The following LDAH variants were observed in gnomAD, a reference collection of about 807,000 sequenced individuals.
The protein encoded by LDAH is lipid droplet associated hydrolase.
LDAH carries 26 observed loss-of-function variants against 29.6 expected under a neutral mutation model. The ratio of observed to expected loss-of-function variants is 0.88; its 90% CI spans 0.64 to 1.22. The LOEUF (loss-of-function observed/expected upper bound fraction) is 1.22. LDAH is among the 50% of genes most tolerant of loss of function. The probability of loss-of-function intolerance (pLI) is 0.00; values close to 1 mark genes in which losing one functional copy is unlikely to be tolerated. For synonymous variants in LDAH, 117 were observed against 133.0 expected (o/e 0.88, Z 0.83); for missense variants, 344 against 387.3 (o/e 0.89, Z 0.94).
At chr2:20,744,574 T>C (rs1254998688) in intron 4 of LDAH, among the ~76,000 whole-genome samples, 1 of 152,190 alleles carries the variant, frequency 6.6e-6, no homozygotes, top group Non-Finnish European at 1.5e-5. Context: ...CAGGCTCTAA[T>C]AATACCCCAG....
chr2:20,691,073 G>C (rs560393850), intron 6 of LDAH, among the ~76,000 whole-genome samples: 1 of 152,208 alleles, frequency 6.6e-6, no homozygotes, highest in African/African-American at 2.4e-5. Flanking sequence ...AAATAGACCC[G>C]TTATAAAAAC....
chr2:20,783,036 C>A (rs1670309131), intron 3 of LDAH, among the ~76,000 whole-genome samples: 1 of 152,092 alleles, frequency 6.6e-6, no homozygotes, highest in African/African-American at 2.4e-5. Flanking sequence ...TTATTTTGCT[C>A]AAAGTATTTT....
At chr2:20,747,801 T>C (rs1475018626) in intron 4 of LDAH, among the ~76,000 whole-genome samples, 1 of 152,196 alleles carries the variant, frequency 6.6e-6, no homozygotes, top group Non-Finnish European at 1.5e-5. Context: ...ACTACACTTA[T>C]GCACTTTATA....
At chr2:20,761,597 T>C (rs1558452946) in intron 4 of LDAH, among the ~76,000 whole-genome samples, 3 of 152,174 alleles carry the variant, frequency 2.0e-5, no homozygotes, top group Admixed American at 1.3e-4. Flanking sequence ...TGGTATTTAA[T>C]ATGGGCCCTG....
intron 3 of LDAH, among the ~76,000 whole-genome samples, chr2:20,782,054 T>TAGAAACA (rs1318089098): frequency 6.6e-6 from 1 of 152,194 alleles, no homozygotes; most frequent in East Asian, 1.9e-4. Flanking sequence ...TTTCTACTGG[T>TAGAAACA]TTTCCGTATC....
rs902260305 is a variant in LDAH, at chr2:20,818,329, TATA to T, written c.-3+4705_-3+4707del. On this transcript the variant is annotated intron_variant, in intron 1 of 6. Transcript: ENST00000237822. The stretch of plus-strand genomic sequence containing the variant: ...TATATATGTATTTAATTGCAACTGG[TATA>T]ATAAGTGGTATGAAAGGGGAAAATT... 9.9e-5 allele frequency among the ~76,000 whole-genome samples: 15 copies of T among 152,224 alleles called. No individual in the cohort carries two copies. The Middle Eastern group carries it at 0.01, about 104-fold the overall frequency.
chr2:20,801,396 G>A lies in LDAH; in HGVS notation c.68C>T (p.Thr23Ile), dbSNP rs1168109083. 6.2e-6 allele frequency: 10 copies of A among 1,614,086 alleles called. No homozygotes were observed. Among genetic ancestry groups the A allele is most frequent in the Non-Finnish European group, 8.5e-6 (10 of 1,179,972 alleles). Residue 23 changes from threonine to isoleucine, a missense_variant, in exon 2 of 7, where the codon ACC (threonine) becomes ATC (isoleucine). Physicochemically the swap from Thr to Ile is moderately conservative, Grantham distance 89. Transcript: ENST00000237822. ...EEFILCGGAETQVLKCGPWTD... is the reference protein window; with the variant it reads ...EEFILCGGAEIQVLKCGPWTD... ...CCAGGGCCCACATTTTAGAACCTGG[G>A]TTTCGGCTCCACCACACAAAATGAA...
intron 5 of LDAH, among the ~76,000 whole-genome samples, chr2:20,714,294 T>G (rs1572457254): frequency 1.3e-5 from 2 of 152,024 alleles, no homozygotes; most frequent in Non-Finnish European, 2.9e-5. Flanking sequence ...GGGTAAATAA[T>G]GAAATGAAGG....
chr2:20,735,088 T>C (rs1268405340), intron 5 of LDAH, among the ~76,000 whole-genome samples: 1 of 152,178 alleles, frequency 6.6e-6, no homozygotes, highest in Non-Finnish European at 1.5e-5. Flanking sequence ...AGCTTGGTTA[T>C]GGTGTTTTAG....
intron 5 of LDAH, among the ~76,000 whole-genome samples, chr2:20,722,889 T>C (rs951890146): frequency 1.3e-5 from 2 of 152,098 alleles, no homozygotes; most frequent in Non-Finnish European, 2.9e-5. Flanking sequence ...TAAACTCATA[T>C]ATTGCTGGTG....
chr2:20,721,875 A>G (rs1164474798), intron 5 of LDAH, among the ~76,000 whole-genome samples: 1 of 152,254 alleles, frequency 6.6e-6, no homozygotes, highest in Admixed American at 6.5e-5. Context: ...AGTACCCAAG[A>G]TACTAATGAA....
intron 1 of LDAH, among the ~76,000 whole-genome samples, chr2:20,817,115 A>C (rs1055937916): frequency 6.6e-6 from 1 of 152,096 alleles, no homozygotes; most frequent in African/African-American, 2.4e-5. Context: ...GAAACAAAGA[A>C]AGACCTTAAA....
At chr2:20,798,635 T>C (rs1671467700) in intron 2 of LDAH, among the ~76,000 whole-genome samples, 1 of 150,322 alleles carries the variant, frequency 6.7e-6, no homozygotes, top group Non-Finnish European at 1.5e-5. Context: ...GCACTGAATA[T>C]TGACCTAACA....
intron 1 of LDAH, among the ~76,000 whole-genome samples, chr2:20,812,900 T>C (rs1572689426): frequency 6.6e-6 from 1 of 152,186 alleles, no homozygotes; most frequent in East Asian, 1.9e-4. Context: ...TTAATCCTGA[T>C]GACAACCCTA....
chr2:20,731,777 T>C (rs1666425979), intron 5 of LDAH, among the ~76,000 whole-genome samples: 1 of 152,120 alleles, frequency 6.6e-6, no homozygotes, highest in Non-Finnish European at 1.5e-5. Flanking sequence ...TCCTGTATCC[T>C]GTGACATTGT....
intron 6 of LDAH, among the ~76,000 whole-genome samples, chr2:20,694,623 A>G (rs1003590679): frequency 6.6e-6 from 1 of 152,234 alleles, no homozygotes; most frequent in African/African-American, 2.4e-5. Context: ...AGATTTTTAA[A>G]AAGTGGCTGA....
chr2:20,720,936 A>C (rs192763761), intron 5 of LDAH, among the ~76,000 whole-genome samples: 400 of 152,332 alleles, frequency 2.6e-3, no homozygotes, highest in African/African-American at 9.3e-3. Context: ...CATATGCAGA[A>C]GAATGAAGCT....
intron 2 of LDAH, among the ~76,000 whole-genome samples, chr2:20,793,732 T>C (rs909448233): frequency 2.6e-5 from 4 of 152,022 alleles, no homozygotes; most frequent in Non-Finnish European, 2.9e-5. Context: ...AGGAAAAATA[T>C]GAAAATTTTC....
intron 5 of LDAH, among the ~76,000 whole-genome samples, chr2:20,705,206 C>T (rs1199439417): frequency 2.0e-5 from 3 of 152,212 alleles, no homozygotes; most frequent in African/African-American, 7.2e-5. Context: ...AAGGGGCTTA[C>T]CCTCAAGTTT....
Sources: gnomAD v4.1 joint callset for allele counts (sites outside exome capture counted in the v4.1 genomes callset) on GRCh38, gnomAD v4.1.1 for gene constraint, MANE v1.5 for transcripts, NCBI Gene and HGNC (gene_info 2026-07-23, HGNC 2026-07-21) for gene names.